The following ZNF385B variants were observed in gnomAD, a reference collection of about 807,000 sequenced individuals.
The protein encoded by ZNF385B is zinc finger protein 533.
ZNF385B carries 23 observed loss-of-function variants against 39.2 expected under a neutral mutation model. The ratio of observed to expected loss-of-function variants is 0.59; its 90% CI spans 0.42 to 0.83. ZNF385B has a LOEUF of 0.83. Ranked by LOEUF, ZNF385B falls within the 40% of genes least tolerant of loss-of-function variation. The pLI, the probability that ZNF385B is intolerant of heterozygous loss-of-function variation, is 0.00. For synonymous variants in ZNF385B, 205 were observed against 222.6 expected (o/e 0.92, Z 0.70); for missense variants, 552 against 598.9 (o/e 0.92, Z 0.82).
chr2:179,839,766 G>A (rs940662543), intron 1 of ZNF385B, among the ~76,000 whole-genome samples: 3 of 152,172 alleles, frequency 2.0e-5, no homozygotes, highest in African/African-American at 7.2e-5. Flanking sequence ...CCACCCCTAC[G>A]CCCAAGGGGA....
chr2:179,670,516 G>C (rs1377937144), intron 3 of ZNF385B, among the ~76,000 whole-genome samples: 1 of 139,790 alleles, frequency 7.2e-6, no homozygotes, highest in East Asian at 2.1e-4. Context: ...GGAACTAATA[G>C]GTCTTGAAAA....
rs73973709 is a variant in ZNF385B at position 179,713,234 on chromosome 2, T to C, written c.298+56269A>G. 9.9e-3 allele frequency among the ~76,000 whole-genome samples: 1,503 copies of C among 152,344 alleles called. 20 individuals carry two copies. Among genetic ancestry groups the C allele is most frequent in the African/African-American group, 0.035 (1,440 of 41,582 alleles). ...ACCTCATCCTAAATCAAGGAACATT[T>C]ATATTTTCAAGAGTGGAAAATAGGA... On this transcript the variant is annotated intron_variant, in intron 3 of 9. Transcript: ENST00000410066.
At chr2:179,665,811 CT>C (rs72068930) in intron 3 of ZNF385B, among the ~76,000 whole-genome samples, 19,811 of 146,672 alleles carry the variant, frequency 0.14, 2,028 homozygotes, top group African/African-American at 0.29. Context: ...GAAGTGCTAT[CT>C]TTTTTTTTTT....
At chr2:179,609,723 A>G (rs1384930957) in intron 3 of ZNF385B, among the ~76,000 whole-genome samples, 2 of 152,146 alleles carry the variant, frequency 1.3e-5, no homozygotes, top group Non-Finnish European at 2.9e-5. Flanking sequence ...TTCTCTCCAT[A>G]TCCTTGCCAG....
Position 179,759,953 on chromosome 2 carries a change from C to A in ZNF385B, c.298+9550G>T, listed in dbSNP as rs147311662. Among the ~76,000 whole-genome samples, 1,454 of 151,936 alleles carry A rather than the reference C, an allele frequency of 9.6e-3. 14 individuals are homozygous for A. Among genetic ancestry groups the A allele is most frequent in the Non-Finnish European group, 0.013 (876 of 67,978 alleles). ...TGGTCATCATTATTATAAATTTTAACTGAAATTTTTATCAAGATAATCAGA... is the reference window on the plus strand; with the variant it reads ...TGGTCATCATTATTATAAATTTTAAATGAAATTTTTATCAAGATAATCAGA... On this transcript the variant is annotated intron_variant, in intron 3 of 9. Coordinates refer to ENST00000410066, the MANE Select transcript of ZNF385B (RefSeq NM_152520.6).
intron 3 of ZNF385B, among the ~76,000 whole-genome samples, chr2:179,618,402 C>T (rs1050385360): frequency 1.3e-5 from 2 of 152,014 alleles, no homozygotes; most frequent in Non-Finnish European, 2.9e-5. Context: ...CCTGTTTATT[C>T]ATATTCATAA....
intron 3 of ZNF385B, among the ~76,000 whole-genome samples, chr2:179,650,425 CA>C (rs1258156475): frequency 6.6e-6 from 1 of 152,014 alleles, no homozygotes; most frequent in African/African-American, 2.4e-5. Context: ...GAGGAAATCA[CA>C]AAAATAGGTA....
At chr2:179,726,793 A>G (rs1489481277) in intron 3 of ZNF385B, among the ~76,000 whole-genome samples, 1 of 152,062 alleles carries the variant, frequency 6.6e-6, no homozygotes, top group Non-Finnish European at 1.5e-5. Context: ...TTACACATCT[A>G]TAGACATCAT....
chr2:179,819,576 T>C (rs1707279077), intron 1 of ZNF385B, among the ~76,000 whole-genome samples: 1 of 152,186 alleles, frequency 6.6e-6, no homozygotes, highest in Non-Finnish European at 1.5e-5. Flanking sequence ...TCCCAGAAGA[T>C]AAATACAGAC....
At chr2:179,765,276 T>G (rs1322051849) in intron 3 of ZNF385B, among the ~76,000 whole-genome samples, 1 of 152,224 alleles carries the variant, frequency 6.6e-6, no homozygotes, top group Non-Finnish European at 1.5e-5. Flanking sequence ...AGCCAATATT[T>G]AAGTATAAAC....
intron 3 of ZNF385B, among the ~76,000 whole-genome samples, chr2:179,724,035 A>T (rs1700852387): frequency 6.6e-6 from 1 of 152,204 alleles, no homozygotes; most frequent in Non-Finnish European, 1.5e-5. Flanking sequence ...TGGGTGGGGC[A>T]CAGTGGCTCA....
chr2:179,477,463 T>C (rs1574341896), intron 6 of ZNF385B, among the ~76,000 whole-genome samples: 1 of 152,218 alleles, frequency 6.6e-6, no homozygotes, highest in African/African-American at 2.4e-5. Context: ...TCATGTCTTT[T>C]CTAACACTGT....
At chr2:179,493,758 T>TACATGTATAC (rs2055752329) in intron 5 of ZNF385B, among the ~76,000 whole-genome samples, 1 of 128,718 alleles carries the variant, frequency 7.8e-6, no homozygotes, top group Non-Finnish European at 1.7e-5. Flanking sequence ...TGTATATACA[T>TACATGTATAC]ATATGTATAC....
chr2:179,516,245 A>G (rs1001115264), intron 5 of ZNF385B, among the ~76,000 whole-genome samples: 4 of 152,212 alleles, frequency 2.6e-5, no homozygotes, highest in African/African-American at 9.6e-5. Context: ...TAAGCAGCAC[A>G]TATGGATTAA....
rs181759722 is a variant in ZNF385B at position 179,447,361 on chromosome 2, T to A, written c.716-591A>T. 9.7e-3 allele frequency among the ~76,000 whole-genome samples: 1,480 copies of A among 152,342 alleles called. 13 individuals are homozygous for A. The highest frequency in any genetic ancestry group is 0.015 in the Non-Finnish European group (999 of 68,024). ...AGACCAAGCTTCCATTCATTATCTT[T>A]ATTAATTACCACCAGTCTAAATCAA... On this transcript the variant is annotated intron_variant, in intron 6 of 9. Coordinates refer to ENST00000410066, the MANE Select transcript of ZNF385B (RefSeq NM_152520.6).
intron 1 of ZNF385B, among the ~76,000 whole-genome samples, chr2:179,798,864 A>G (rs1705848287): frequency 6.6e-6 from 1 of 152,082 alleles, no homozygotes; most frequent in Non-Finnish European, 1.5e-5. Context: ...TATTTAAAAC[A>G]TTTATGTTGT....
chr2:179,780,897 G>C (rs1285645741), intron 1 of ZNF385B, among the ~76,000 whole-genome samples: 3 of 152,114 alleles, frequency 2.0e-5, no homozygotes, highest in African/African-American at 4.8e-5. Flanking sequence ...ACACAGGCTA[G>C]TCAAATGACT....
At chr2:179,808,522 T>C (rs1409599040) in intron 1 of ZNF385B, among the ~76,000 whole-genome samples, 4 of 152,236 alleles carry the variant, frequency 2.6e-5, no homozygotes, top group Admixed American at 1.3e-4. Context: ...TGTTGAGGTT[T>C]AATAAAATTG....
At chr2:179,527,901 TAA>T (rs374251358) in intron 4 of ZNF385B, among the ~76,000 whole-genome samples, 29 of 152,076 alleles carry the variant, frequency 1.9e-4, no homozygotes, top group African/African-American at 7.0e-4. Context: ...TCTAACATAA[TAA>T]ATAAGGTATT....
Sources: allele counts gnomAD v4.1 joint callset (sites outside exome capture counted in the v4.1 genomes callset), GRCh38; gene constraint gnomAD v4.1.1; transcripts MANE v1.5; gene names NCBI Gene and HGNC (gene_info 2026-07-23, HGNC 2026-07-21).